Variants in PATL1 observed in about 807,000 individuals in gnomAD.
PATL1 encodes the protein protein PAT1 homolog 1.
PATL1 carries 32 observed loss-of-function variants against 100.6 expected under a neutral mutation model. That is an observed-to-expected ratio of 0.32 (90% CI 0.24 to 0.43). PATL1 has a LOEUF of 0.43. PATL1 is among the 20% of genes least tolerant of loss of function. The pLI, the probability that PATL1 is intolerant of heterozygous loss-of-function variation, is 1.00. For missense variants in PATL1, 747 were observed against 949.9 expected, an observed-to-expected ratio of 0.79 and a Z score of 2.81; for synonymous variants, 332 against 330.0, an observed-to-expected ratio of 1.01 and a Z score of -0.07.
Position 59,647,901 on chromosome 11 carries a change from G to C in PATL1, c.1746C>G (p.Asp582Glu). 1 of 1,605,734 alleles carries C rather than the reference G, an allele frequency of 6.2e-7. No individual in the cohort carries two copies. The highest frequency in any genetic ancestry group is 8.5e-7 in the Non-Finnish European group (1 of 1,174,762). The change falls in exon 15 of 19, where the codon GAC becomes GAG. Residue 582 changes from aspartate (D) to glutamate (E), a missense_variant. By Grantham distance (45) the Asp-to-Glu change is conservative. Around this residue, in one of 4 missense-constraint regions of PATL1, gnomAD observed 434 missense variants for 596.1 expected, o/e 0.73. Transcript: ENST00000300146. ...KLPGQERPSD[D>E]HFVQIMCIRK... Reference sequence around the variant, plus strand: ...GGATACACATGATCTGTACAAAGTGGTCATCACTAGGCCTGCAAGGAAGAA... The same window carrying C: ...GGATACACATGATCTGTACAAAGTGCTCATCACTAGGCCTGCAAGGAAGAA...
At chr11:59,643,107 T>A (rs1438072941) in intron 15 of PATL1, 72 bp from the exon 16 acceptor site, 8 of 1,487,366 alleles carry the variant, frequency 5.4e-6, no homozygotes, top group African/African-American at 1.4e-5. Context: ...GGGGCATGGA[T>A]GGAAGGATGT....
rs1202705415 is a variant in PATL1 at position 59,655,507 on chromosome 11, C to A, written c.1031+16G>T. 2.0e-6 allele frequency: 3 copies of A among 1,531,586 alleles called. No homozygotes were observed. The East Asian group carries it at 7.2e-5, about 37-fold the overall frequency. 94.9% of individuals were successfully genotyped at this position (1,531,586 alleles called of 1,614,324 possible). ...TTGGCTGATAACTGATAAACAGTGG[C>A]GTTGATTTTGTATACCTTAGGTTTT... On this transcript the variant is annotated intron_variant, in intron 8 of 18. Coordinates refer to ENST00000300146, the MANE Select transcript of PATL1 (RefSeq NM_152716.3).
At chr11:59,663,375 T>C (rs529123818) in intron 2 of PATL1, among the ~76,000 whole-genome samples, 16 of 152,228 alleles carry the variant, frequency 1.1e-4, no homozygotes, top group African/African-American at 3.6e-4. Context: ...CTAAAGACTA[T>C]AGTAGCTATC....
Position 59,637,326 on chromosome 11 carries a change from T to C in PATL1, c.*1064A>G, listed in dbSNP as rs563010829. The C allele has an allele frequency of 6.6e-6, 1 of 152,600 alleles. No individual in the cohort carries two copies. The highest frequency in any genetic ancestry group is 1.9e-4 in the East Asian group (1 of 5,174). The allele number at this position is 152,600 out of a possible 1,614,324, so 9.5% of individuals were successfully genotyped here. ...GGAACGGGACTTGGGTGAGATGAAG[T>C]AGTAAAGACAGCAGTTCTGCCCATG... is the stretch of plus-strand genomic sequence containing the variant. On this transcript the variant is annotated 3_prime_UTR_variant, in exon 19 of 19. Coordinates refer to ENST00000300146, the MANE Select transcript of PATL1 (RefSeq NM_152716.3).
chr11:59,641,107 G>C (rs1014418458), intron 16 of PATL1, among the ~76,000 whole-genome samples: 2 of 152,006 alleles, frequency 1.3e-5, no homozygotes, highest in Non-Finnish European at 2.9e-5. Flanking sequence ...GGAGGCAGGG[G>C]TTGCAGTGAG....
At chr11:59,667,662 G>T (rs141168211) in intron 1 of PATL1, among the ~76,000 whole-genome samples, 4 of 152,200 alleles carry the variant, frequency 2.6e-5, no homozygotes, top group African/African-American at 9.7e-5. Context: ...AGGCTGTAAG[G>T]CTCAATGTCT....
rs548912394 is a variant in PATL1 at position 59,649,878 on chromosome 11, T to C, written c.1585-268A>G. 2.1e-3 allele frequency among the ~76,000 whole-genome samples: 312 copies of C among 152,036 alleles called. 1 individual carries two copies. Among genetic ancestry groups the C allele is most frequent in the African/African-American group, 6.9e-3 (288 of 41,488 alleles). On this transcript the variant is annotated intron_variant, in intron 13 of 18. Transcript: ENST00000300146. ...GGCTCACGCCTGTAATCCCAGCACTTTGGGAGGCTGAGATGGGCGGATCAC... is the reference window on the plus strand; with the variant it reads ...GGCTCACGCCTGTAATCCCAGCACTCTGGGAGGCTGAGATGGGCGGATCAC...
In PATL1 at chr11:59,645,093, G is replaced by C. The variant is rs530189928; in HGVS notation, c.1894-2058C>G. Reference sequence around the variant, plus strand: ...CACATGTTTCAGAGAGCACAGGGTTGGGGGTAAGGTCACAGATCAACAGGA... The same window carrying C: ...CACATGTTTCAGAGAGCACAGGGTTCGGGGTAAGGTCACAGATCAACAGGA... On this transcript the variant is annotated intron_variant, in intron 15 of 18. Transcript: ENST00000300146. Among the ~76,000 whole-genome samples the C allele has an allele frequency of 1.2e-4, 17 of 142,026 alleles. No individual in the cohort carries two copies. The South Asian group carries it at 4.0e-3, about 34-fold the overall frequency. The allele number at this position is 142,026 out of a possible 152,430, so 93.2% of individuals were successfully genotyped here. A position where few individuals can be genotyped will look rare whatever the true frequency, so the allele number is the denominator to read the frequency against.
intron 2 of PATL1, among the ~76,000 whole-genome samples, chr11:59,665,771 G>A (rs1408250318): frequency 2.0e-5 from 3 of 152,150 alleles, no homozygotes; most frequent in Admixed American, 2.0e-4. Context: ...AGGTGACAGA[G>A]CAAGACTCTG....
chr11:59,645,963 G>A (rs781750322), intron 15 of PATL1, among the ~76,000 whole-genome samples: 9 of 152,158 alleles, frequency 5.9e-5, no homozygotes, highest in Non-Finnish European at 8.8e-5. Flanking sequence ...AATCAGCCTA[G>A]GTATTTAGCC....
chr11:59,665,332 C>G (rs1861672237), intron 2 of PATL1, among the ~76,000 whole-genome samples: 1 of 152,186 alleles, frequency 6.6e-6, no homozygotes, highest in Non-Finnish European at 1.5e-5. Context: ...GCTAAATTTT[C>G]TCTTTTTCCT....
chr11:59,645,725 GTTCT>G (rs1188839525), intron 15 of PATL1, among the ~76,000 whole-genome samples: 1 of 152,002 alleles, frequency 6.6e-6, no homozygotes, highest in Non-Finnish European at 1.5e-5. Flanking sequence ...TGCTGTAACT[GTTCT>G]TTCTGATGAA....
At chr11:59,656,070 A>G in intron 6 of PATL1, 25 bp from the exon 7 acceptor site, 3 of 1,259,568 alleles carry the variant, frequency 2.4e-6, no homozygotes, top group Non-Finnish European at 3.2e-6. Flanking sequence ...AAAAAAAAAA[A>G]AAGAATATGC....
intron 1 of PATL1, 48 bp downstream of exon 1, chr11:59,668,832 GA>G (rs1440024935): frequency 1.7e-6 from 2 of 1,189,776 alleles, no homozygotes; most frequent in South Asian, 2.8e-5. Flanking sequence ...GAGTGAGGGA[GA>G]GGGGCGCGGG....
At chr11:59,661,282 C>T (rs1043545876) in intron 2 of PATL1, among the ~76,000 whole-genome samples, 2 of 152,030 alleles carry the variant, frequency 1.3e-5, no homozygotes, top group Admixed American at 6.6e-5. Flanking sequence ...GTCGGGGTTT[C>T]CCCATGTTGC....
rs933076902 is a variant in PATL1 at position 59,659,410 on chromosome 11, C to A, written c.187G>T (p.Ala63Ser). The A allele has an allele frequency of 6.4e-7, 1 of 1,551,414 alleles. No individual in the cohort carries two copies. The highest frequency in any genetic ancestry group is 1.2e-5 in the South Asian group (1 of 84,060). The change falls in exon 3 of 19, where the codon GCA becomes TCA. Residue 63 changes from alanine (A) to serine (S), a missense_variant. Coordinates refer to ENST00000300146, the MANE Select transcript of PATL1 (RefSeq NM_152716.3). ...CCATTGCCTGTTTGTTCATTAACTGCCACTGGTAGCTTTTCTTCCAATTCA... is the reference window on the plus strand; with the variant it reads ...CCATTGCCTGTTTGTTCATTAACTGACACTGGTAGCTTTTCTTCCAATTCA... ...LAELEEKLPV[A>S]VNEQTGNGER... is the part of the protein sequence containing the mutation.
chr11:59,652,326 T>C (rs1456597105), intron 11 of PATL1, 138 bp downstream of exon 11: 2 of 1,272,124 alleles, frequency 1.6e-6, no homozygotes, highest in Admixed American at 3.1e-5. Context: ...TTTGCATTTA[T>C]TAAGAACAAT....
intron 8 of PATL1, among the ~76,000 whole-genome samples, chr11:59,654,701 G>T (rs1000618851): frequency 6.6e-6 from 1 of 152,272 alleles, no homozygotes; most frequent in East Asian, 1.9e-4. Context: ...CTTCAACTAT[G>T]TGGGAATGTC....
At chr11:59,659,835 C>T (rs1010109561) in intron 2 of PATL1, among the ~76,000 whole-genome samples, 11 of 151,494 alleles carry the variant, frequency 7.3e-5, no homozygotes, top group African/African-American at 2.7e-4. Flanking sequence ...CCACCACGCC[C>T]GGCCTACACA....
Sources: allele counts gnomAD v4.1 joint callset (sites outside exome capture counted in the v4.1 genomes callset), GRCh38; gene constraint gnomAD v4.1.1; regional missense constraint gnomAD v4.1.1; transcripts MANE v1.5; gene names NCBI Gene and HGNC (gene_info 2026-07-23, HGNC 2026-07-21).